XKR5: variants seen among roughly 807,000 people sequenced by gnomAD.
The protein encoded by XKR5 is XK-related protein 5.
Under a neutral mutation model 40.8 loss-of-function variants are expected in XKR5, and 46 were observed. The observed-to-expected ratio is 1.13, with a 90% confidence interval of 0.89 to 1.44. The LOEUF (loss-of-function observed/expected upper bound fraction) is 1.44, where lower values mean the gene tolerates loss of function less well. Ranked by LOEUF, XKR5 falls within the 40% of genes most tolerant of loss-of-function variation. XKR5 has a pLI of 0.00. For missense variants in XKR5, 1,169 were observed against 844.7 expected, an observed-to-expected ratio of 1.38 and a Z score of -4.76; for synonymous variants, 466 against 356.1, an observed-to-expected ratio of 1.31 and a Z score of -3.48.
chr8:6,822,635 G>A (rs1804293193), intron 4 of XKR5, among the ~76,000 whole-genome samples: 1 of 152,130 alleles, frequency 6.6e-6, no homozygotes. Flanking sequence ...ATTTCTTAAT[G>A]TCTCCAATTC....
rs545226954 is a variant in XKR5, at chr8:6,821,900, G to A, written c.776C>T (p.Pro259Leu). 13 of 1,613,374 alleles carry A rather than the reference G, an allele frequency of 8.1e-6. No homozygotes were observed. In the African/African-American group the frequency reaches 1.5e-4, roughly 18 times the overall value. Residue 259 changes from proline (P) to leucine (L), a missense_variant, in exon 5 of 7, where the codon CCT (proline) becomes CTT (leucine). By Grantham distance (98) the Pro-to-Leu change is moderately conservative (BLOSUM62 -3). Coordinates refer to ENST00000618742, the MANE Select transcript of XKR5 (RefSeq NM_207411.5). ...GAACGTGACCATCCTATTTCTAGAAGGGCTGTCCCAGAAGCTGAGGTAGCA... is the reference window on the plus strand; with the variant it reads ...GAACGTGACCATCCTATTTCTAGAAAGGCTGTCCCAGAAGCTGAGGTAGCA... ...ILCYLSFWDSPSRNRMVTFYM... is the reference protein window; with the variant it reads ...ILCYLSFWDSLSRNRMVTFYM...
intron 2 of XKR5, among the ~76,000 whole-genome samples, chr8:6,827,829 G>A (rs559959274): frequency 4.1e-4 from 63 of 152,298 alleles, no homozygotes; most frequent in Middle Eastern, 3.4e-3. Context: ...TTTTTGGGAG[G>A]CCAAGGCAGG....
In XKR5 at chr8:6,812,103, C is replaced by G. The variant is rs1216055444; in HGVS notation, c.1156G>C (p.Glu386Gln). 1.3e-6 allele frequency: 2 copies of G among 1,545,666 alleles called. No homozygotes were observed. The highest frequency in any genetic ancestry group is 1.7e-6 in the Non-Finnish European group (2 of 1,146,990). The change falls in exon 7 of 7, where the codon GAG becomes CAG. Residue 386 changes from glutamate to glutamine, a missense_variant. Physicochemically the swap from Glu to Gln is conservative, Grantham distance 29. Transcript: ENST00000618742. The stretch of plus-strand genomic sequence containing the variant: ...GCAACCTGGGTCCCCAGCCCAGCCT[C>G]TGGGGGGACCTGCTCAGGGGTAGGG... ...KPPTPEQVPPEAGLGTQVAVE... is the reference protein window; with the variant it reads ...KPPTPEQVPPQAGLGTQVAVE...
intron 2 of XKR5, among the ~76,000 whole-genome samples, chr8:6,830,533 C>T (rs1587201389): frequency 6.6e-6 from 1 of 152,164 alleles, no homozygotes; most frequent in Non-Finnish European, 1.5e-5. Flanking sequence ...AACCTTAGGG[C>T]CAAATTGTGA....
chr8:6,818,852 G>T (rs1035392195), intron 5 of XKR5, among the ~76,000 whole-genome samples: 2 of 152,204 alleles, frequency 1.3e-5, no homozygotes, highest in African/African-American at 4.8e-5. Context: ...ACTGCCAGGC[G>T]GTGGCCTGTT....
intron 3 of XKR5, 59 bp from the exon 4 acceptor site, chr8:6,823,789 G>T (rs558950653): frequency 1.4e-6 from 2 of 1,393,892 alleles, no homozygotes; most frequent in African/African-American, 1.4e-5. Flanking sequence ...ACAGTACCTT[G>T]TGAAGATTCA....
At chr8:6,830,025 G>T (rs952331889) in intron 2 of XKR5, among the ~76,000 whole-genome samples, 3 of 151,774 alleles carry the variant, frequency 2.0e-5, no homozygotes, top group African/African-American at 7.3e-5. Flanking sequence ...TTTTAGTAGA[G>T]ACGGGGTTTC....
rs1354177603 is a variant in XKR5 at position 6,809,126 on chromosome 8, C to T, written c.*2072G>A. ...GAGCTGGGGAGGGCCCAGGAAGGCA[C>T]CAAGAGGAGATGTTTGAGTGGAGTC... On this transcript the variant is annotated 3_prime_UTR_variant, in exon 7 of 7. Coordinates refer to ENST00000618742, the MANE Select transcript of XKR5 (RefSeq NM_207411.5). The T allele has an allele frequency of 6.6e-6, 1 of 152,230 alleles. No individual in the cohort carries two copies. Among genetic ancestry groups the T allele is most frequent in the Admixed American group, 6.6e-5 (1 of 15,254 alleles). The allele number at this position is 152,230 out of a possible 1,614,324, so 9.4% of individuals were successfully genotyped here.
In XKR5 at chr8:6,831,445, C is replaced by G. The variant is rs148716338; in HGVS notation, c.242+1272G>C. On this transcript the variant is annotated intron_variant, in intron 2 of 6. Coordinates refer to ENST00000618742, the MANE Select transcript of XKR5 (RefSeq NM_207411.5). ...GAAACTGAGAGTGGGTGCTTGAAGT[C>G]TTTCTCAGAAGCACCCTCTACCTCC... Among the ~76,000 whole-genome samples the G allele has an allele frequency of 3.3e-3, 498 of 152,282 alleles. 2 individuals are homozygous for G. Among genetic ancestry groups the G allele is most frequent in the African/African-American group, 0.012 (479 of 41,550 alleles).
At position 6,835,380 on chromosome 8, in the gene XKR5, C is replaced by T. The variant is rs1490861291; in HGVS notation, c.58+56G>A. On this transcript the variant is annotated intron_variant, in intron 1 of 6. Transcript: ENST00000618742. ...TAGGCAGCCTGTGCGGCTCCCGGCG[C>T]CGGGGTGGGGTTAGGGGCTGCAGGG... The T allele has an allele frequency of 1.3e-5, 18 of 1,360,232 alleles. No homozygotes were observed. The Admixed American group carries it at 2.7e-4, about 20-fold the overall frequency. 84.3% of individuals were successfully genotyped at this position (1,360,232 alleles called of 1,614,324 possible).
chr8:6,815,626 G>A (rs1336105499), intron 6 of XKR5, among the ~76,000 whole-genome samples, 181 bp downstream of exon 6: 1 of 152,088 alleles, frequency 6.6e-6, no homozygotes, highest in African/African-American at 2.4e-5. Flanking sequence ...GGCAGATGAG[G>A]CTGAGCTCAG....
At chr8:6,815,468 G>C (rs1803913507) in intron 6 of XKR5, among the ~76,000 whole-genome samples, 1 of 152,156 alleles carries the variant, frequency 6.6e-6, no homozygotes, top group African/African-American at 2.4e-5. Flanking sequence ...GGGGTGCCAT[G>C]TCAGGAAGAT....
chr8:6,815,864 C>G lies in XKR5; in HGVS notation c.862G>C (p.Gly288Arg). ...GTCTGCAGGCTGGTCCACGATGCCC[C>G]CTGGAGAAAGTCGGTGGCCAACAGC... The part of the protein sequence containing the change: ...LLLLATDFLQ[G>R]ASWTSLQTIA... The change falls in exon 6 of 7, where the codon GGG becomes CGG. Residue 288 changes from glycine to arginine, a missense_variant. Gly to Arg is a moderately radical substitution (Grantham distance 125, BLOSUM62 -2). Transcript: ENST00000618742. 6.2e-7 allele frequency: 1 copy of G among 1,605,948 alleles called. No homozygotes were observed. Among genetic ancestry groups the G allele is most frequent in the Non-Finnish European group, 8.5e-7 (1 of 1,176,364 alleles).
chr8:6,812,981 A>G (rs1803806511), intron 6 of XKR5, among the ~76,000 whole-genome samples: 1 of 152,242 alleles, frequency 6.6e-6, no homozygotes, highest in South Asian at 2.1e-4. Context: ...TCTTTAACAG[A>G]GCATTCCAGT....
At chr8:6,816,689 T>TA (rs201321693) in intron 5 of XKR5, among the ~76,000 whole-genome samples, 68,114 of 146,974 alleles carry the variant, frequency 0.46, 16,921 homozygotes, top group East Asian at 0.93. Context: ...TTAATTTAAT[T>TA]AAAAATAATT....
intron 6 of XKR5, among the ~76,000 whole-genome samples, chr8:6,814,466 G>C (rs374568348): frequency 6.6e-6 from 1 of 152,140 alleles, no homozygotes; most frequent in Non-Finnish European, 1.5e-5. Flanking sequence ...TTGCCAGGAG[G>C]GAAGGAGGTG....
intron 5 of XKR5, among the ~76,000 whole-genome samples, chr8:6,819,121 G>A (rs1273720828): frequency 6.6e-6 from 1 of 152,224 alleles, no homozygotes; most frequent in Non-Finnish European, 1.5e-5. Context: ...AGTGGCCCAG[G>A]AATAGGCTCA....
Position 6,811,553 on chromosome 8 carries a change from C to A in XKR5, c.1706G>T (p.Gly569Val), listed in dbSNP as rs974463047. Residue 569 changes from glycine (G) to valine (V), a missense_variant, in exon 7 of 7, where the codon GGA (glycine) becomes GTA (valine). By Grantham distance (109) the Gly-to-Val change is moderately radical (BLOSUM62 -3). Coordinates refer to ENST00000618742, the MANE Select transcript of XKR5 (RefSeq NM_207411.5). ...AGGGCTGCTCTTTCCCAGCCTCCTT[C>A]CAGAGTGGGCCGTTTGCAGAGTAGC... Reference protein sequence around the residue: ...SPATLQTAHSGRRLGKSSPAQ... With the variant: ...SPATLQTAHSVRRLGKSSPAQ... 2 of 1,536,278 alleles carry A rather than the reference C, an allele frequency of 1.3e-6. No homozygotes were observed. Among genetic ancestry groups the A allele is most frequent in the East Asian group, 4.9e-5 (2 of 40,916 alleles).
At chr8:6,815,421 G>A (rs1158003824) in intron 6 of XKR5, among the ~76,000 whole-genome samples, 1 of 152,118 alleles carries the variant, frequency 6.6e-6, no homozygotes, top group African/African-American at 2.4e-5. Context: ...CTCTGCTAGG[G>A]CACCCACTTC....
Sources: gnomAD v4.1 joint callset for allele counts (sites outside exome capture counted in the v4.1 genomes callset) on GRCh38, gnomAD v4.1.1 for gene constraint, MANE v1.5 for transcripts, NCBI Gene and HGNC (gene_info 2026-07-23, HGNC 2026-07-21) for gene names.